DENND4C: variants seen among roughly 807,000 people sequenced by gnomAD.
The protein encoded by DENND4C is DENN domain-containing protein 4C.
DENND4C carries 108 observed loss-of-function variants against 203.0 expected under a neutral mutation model. The observed-to-expected ratio is 0.53, with a 90% CI of 0.46 to 0.62. The LOEUF is 0.62. DENND4C is among the 20% of genes least tolerant of loss of function. The probability of loss-of-function intolerance (pLI) is 0.00; values close to 1 mark genes in which losing one functional copy is unlikely to be tolerated. For synonymous variants in DENND4C, 871 were observed against 792.4 expected (o/e 1.10, Z -1.67); for missense variants, 2,481 against 2,301.2 (o/e 1.08, Z -1.60).
At chr9:19,342,071 C>T (rs777872254) in intron 21 of DENND4C, among the ~76,000 whole-genome samples, 7 of 147,154 alleles carry the variant, frequency 4.8e-5, no homozygotes, top group African/African-American at 1.6e-4. Context: ...TTGCAGTCAG[C>T]CAATATTGTG....
rs565250623 is a variant in DENND4C at position 19,275,104 on chromosome 9, A to G, written c.-17-1054A>G. ...GCGATTCTCCTGCCTCAGCCTCCCG[A>G]GTAGCTGGGATTACAGGTGCCCACC... On this transcript the variant is annotated intron_variant, in intron 1 of 32. Coordinates refer to ENST00000434457, the MANE Select transcript of DENND4C (RefSeq NM_001330640.2). 8.6e-5 allele frequency among the ~76,000 whole-genome samples: 13 copies of G among 150,360 alleles called. No homozygotes were observed. In the East Asian group the frequency reaches 2.4e-3, roughly 28 times the overall value.
At chr9:19,365,346 A>G (rs1040544994) in intron 30 of DENND4C, among the ~76,000 whole-genome samples, 1 of 152,196 alleles carries the variant, frequency 6.6e-6, no homozygotes, top group Non-Finnish European at 1.5e-5. Context: ...GGCAAAATCC[A>G]TCACCCTTTG....
intron 6 of DENND4C, 53 bp from the exon 7 acceptor site, chr9:19,298,003 G>A: frequency 2.2e-6 from 3 of 1,365,078 alleles, no homozygotes; most frequent in Non-Finnish European, 2.0e-6. Context: ...GTTAAAAACT[G>A]TGATGCATTT....
chr9:19,271,373 G>A lies in DENND4C; in HGVS notation c.-17-4785G>A, dbSNP rs116113342. Among the ~76,000 whole-genome samples the A allele has an allele frequency of 6.8e-3, 1,040 of 151,862 alleles. 10 individuals carry two copies. The highest frequency in any genetic ancestry group is 0.024 in the African/African-American group (989 of 41,440). On this transcript the variant is annotated intron_variant, in intron 1 of 32. Transcript: ENST00000434457. ...TTCCACCATGCCCCACTAATGTTTT[G>A]TATTTTTAGTAAAGACTGGGTTTGT...
intron 9 of DENND4C, among the ~76,000 whole-genome samples, chr9:19,303,389 A>G (rs1838997444): frequency 6.6e-6 from 1 of 152,172 alleles, no homozygotes; most frequent in Admixed American, 6.5e-5. Context: ...ACTTGTTTCT[A>G]TAAAGTTTTA....
intron 5 of DENND4C, among the ~76,000 whole-genome samples, chr9:19,293,900 G>C (rs994277103): frequency 6.6e-6 from 1 of 152,158 alleles, no homozygotes; most frequent in Non-Finnish European, 1.5e-5. Flanking sequence ...AGACCAGTTA[G>C]GGCTTCAGTA....
In DENND4C at chr9:19,231,228, A is replaced by AG. The variant is rs199598558; in HGVS notation, c.-18+400dup. 2.6e-3 allele frequency among the ~76,000 whole-genome samples: 387 copies of AG among 150,644 alleles called. 1 individual carries two copies. The highest frequency in any genetic ancestry group is 9.3e-3 in the African/African-American group (379 of 40,758). ...AGGGAGCAGGATCGGGGCTTCCCAGAGGGGGTCGAGGCTGAGAGAGCGGAG... is the reference window on the plus strand; with the variant it reads ...AGGGAGCAGGATCGGGGCTTCCCAGAGGGGGGTCGAGGCTGAGAGAGCGGAG... On this transcript the variant is annotated intron_variant, in intron 1 of 32. Coordinates refer to ENST00000434457, the MANE Select transcript of DENND4C (RefSeq NM_001330640.2).
chr9:19,276,762 T>C, intron 2 of DENND4C: 1 of 219,298 alleles, frequency 4.6e-6, no homozygotes, highest in Admixed American at 5.7e-5. Flanking sequence ...TCTGTTGTAC[T>C]TATCAAATAA....
Position 19,352,650 on chromosome 9 carries a change from T to G in DENND4C, c.4766T>G (p.Leu1589Trp). 6.2e-7 allele frequency: 1 copy of G among 1,605,424 alleles called. No homozygotes were observed. Among genetic ancestry groups the G allele is most frequent in the Non-Finnish European group, 8.5e-7 (1 of 1,175,126 alleles). ...CTTCTCAATATAGAATTCAAAGATT[T>G]GAGAGGTTCTGCAAGGTTAGTCTTA... ...LPLLNIEFKD[L>W]RGSASFFLKP... The change falls in exon 26 of 33, where the codon TTG (leucine) becomes TGG (tryptophan). Residue 1589 changes from leucine (L) to tryptophan (W), a missense_variant. By Grantham distance (61) the Leu-to-Trp change is moderately conservative (BLOSUM62 -2). Coordinates refer to ENST00000434457, the MANE Select transcript of DENND4C (RefSeq NM_001330640.2).
At chr9:19,301,929 C>A (rs1231059032) in intron 9 of DENND4C, among the ~76,000 whole-genome samples, 1 of 152,084 alleles carries the variant, frequency 6.6e-6, no homozygotes, top group Non-Finnish European at 1.5e-5. Context: ...CAGCAAGACT[C>A]CGTCTCAAAA....
intron 1 of DENND4C, among the ~76,000 whole-genome samples, chr9:19,255,201 A>G (rs776958056): frequency 4.6e-5 from 7 of 152,096 alleles, no homozygotes; most frequent in Non-Finnish European, 1.0e-4. Flanking sequence ...CCAGGAGTTC[A>G]AGACCAGCTT....
At chr9:19,255,405 C>CA (rs1323197061) in intron 1 of DENND4C, among the ~76,000 whole-genome samples, 4 of 43,488 alleles carry the variant, frequency 9.2e-5, no homozygotes, top group East Asian at 4.5e-4. Flanking sequence ...ATCCTGCCTC[C>CA]AAAAAAAAAA....
chr9:19,314,097 A>C (rs1366685344), intron 10 of DENND4C, among the ~76,000 whole-genome samples: 1 of 151,174 alleles, frequency 6.6e-6, no homozygotes, highest in Admixed American at 6.6e-5. Flanking sequence ...AGGGGAAAAA[A>C]AAGAATGATA....
chr9:19,371,157 T>C (rs567996600), intron 31 of DENND4C, among the ~76,000 whole-genome samples: 1 of 152,228 alleles, frequency 6.6e-6, no homozygotes, highest in Non-Finnish European at 1.5e-5. Context: ...ATTTCTTAAG[T>C]TTTCCTGTCA....
intron 23 of DENND4C, among the ~76,000 whole-genome samples, chr9:19,347,381 T>A (rs936809466): frequency 6.6e-6 from 1 of 152,212 alleles, no homozygotes; most frequent in African/African-American, 2.4e-5. Context: ...TCCAACTGCA[T>A]CAGCCTCCCA....
chr9:19,286,657 G>C, intron 2 of DENND4C, 112 bp from the exon 3 acceptor site: 1 of 1,082,754 alleles, frequency 9.2e-7, no homozygotes, highest in Non-Finnish European at 1.2e-6. Flanking sequence ...AATTTTCTTT[G>C]ATTTCAAGAA....
chr9:19,267,502 T>A lies in DENND4C; in HGVS notation c.-17-8656T>A, dbSNP rs141764950. ...TTTAGTCTGTGTGTATCTTTATAGG[T>A]GAAGTGTGTTTCTTTTTTAAAAAAT... On this transcript the variant is annotated intron_variant, in intron 1 of 32. Coordinates refer to ENST00000434457, the MANE Select transcript of DENND4C (RefSeq NM_001330640.2). Among the ~76,000 whole-genome samples, 384 of 152,252 alleles carry A rather than the reference T, an allele frequency of 2.5e-3. 3 individuals are homozygous for A. Among genetic ancestry groups the A allele is most frequent in the Non-Finnish European group, 3.1e-3 (210 of 68,016 alleles).
Position 19,316,807 on chromosome 9 carries a change from C to G in DENND4C, c.1775C>G (p.Ala592Gly). Residue 592 changes from alanine to glycine, a missense_variant, in exon 12 of 33, where the codon GCC becomes GGC. Transcript: ENST00000434457. ...RPITEAPSNK[A>G]TAADSLFDRQ... ...ATCACAGAGGCTCCTTCAAATAAAG[C>G]CACAGCTGCTGATTCATTGTTTGAC... 1 of 1,613,516 alleles carries G rather than the reference C, an allele frequency of 6.2e-7. No homozygotes were observed. The highest frequency in any genetic ancestry group is 8.5e-7 in the Non-Finnish European group (1 of 1,179,790).
intron 2 of DENND4C, among the ~76,000 whole-genome samples, chr9:19,278,857 C>T (rs1833444216): frequency 1.3e-5 from 2 of 151,612 alleles, no homozygotes; most frequent in Admixed American, 6.6e-5. Context: ...TTAATAAAGG[C>T]CCCCTCCACT....
Sources: gnomAD v4.1 joint callset for allele counts (sites outside exome capture counted in the v4.1 genomes callset) on GRCh38, gnomAD v4.1.1 for gene constraint, MANE v1.5 for transcripts, NCBI Gene and HGNC (gene_info 2026-07-23, HGNC 2026-07-21) for gene names.